The following PHIP variants were observed in gnomAD, a reference collection of about 807,000 sequenced individuals.
PHIP encodes PH-interacting protein.
In PHIP, 54 loss-of-function variants were observed where a neutral mutation model predicts 236.8. The ratio of observed to expected loss-of-function variants is 0.23; its 90% confidence interval spans 0.18 to 0.29. The LOEUF (loss-of-function observed/expected upper bound fraction) is 0.29, where lower values mean the gene tolerates loss of function less well. PHIP is among the 10% of genes least tolerant of loss of function. The pLI is 1.00. For missense variants in PHIP, 1,370 were observed against 2,190.8 expected, an observed-to-expected ratio of 0.63 and a Z score of 7.48; for synonymous variants, 756 against 718.9, an observed-to-expected ratio of 1.05 and a Z score of -0.83.
intron 16 of PHIP, 57 bp from the exon 17 acceptor site, chr6:79,002,181 A>C: frequency 8.2e-7 from 1 of 1,214,568 alleles, no homozygotes. Flanking sequence ...CATTGTAGAA[A>C]AAAAGTCTAC....
chr6:78,941,134 C>A lies in PHIP; in HGVS notation c.5025G>T (p.Glu1675Asp). 6.2e-7 allele frequency: 1 copy of A among 1,613,964 alleles called. No individual in the cohort carries two copies. ...KLQYAKPEDL[E>D]QNNVHPIRDE... ...CTCTGATGGGATGCACATTATTTTG[C>A]TCTAAATCTTCTGGCTTTGCATACT... Residue 1675 changes from glutamate (E) to aspartate (D), a missense_variant, in exon 40 of 40, where the codon GAG (glutamate) becomes GAT (aspartate). Transcript: ENST00000275034.
At position 78,997,538 on chromosome 6, in the gene PHIP, C is replaced by T; in HGVS notation, c.2077G>A (p.Gly693Arg). 6.2e-7 allele frequency: 1 copy of T among 1,613,968 alleles called. No individual in the cohort carries two copies. The stretch of plus-strand genomic sequence containing the variant: ...ATTTGCCGTACACCTTCAATTTGTC[C>T]ACTACGTCTTAGTCCTACGTTTGGT... The part of the protein sequence containing the change: ...SPPNVGLRRS[G>R]QIEGVRQMHS... Residue 693 changes from glycine to arginine, a missense_variant, in exon 19 of 40, where the codon GGA becomes AGA. Coordinates refer to ENST00000275034, the MANE Select transcript of PHIP (RefSeq NM_017934.7).
At chr6:79,046,667 A>C (rs1046174905) in intron 6 of PHIP, among the ~76,000 whole-genome samples, 1 of 152,130 alleles carries the variant, frequency 6.6e-6, no homozygotes, top group Non-Finnish European at 1.5e-5. Context: ...ACTTGAGGTC[A>C]GGAGTTCGAG....
chr6:79,053,084 G>A (rs562963678), intron 6 of PHIP, among the ~76,000 whole-genome samples: 5 of 152,210 alleles, frequency 3.3e-5, no homozygotes, highest in Non-Finnish European at 5.9e-5. Flanking sequence ...TTGGGAGACC[G>A]AGGTGGATCA....
intron 9 of PHIP, among the ~76,000 whole-genome samples, chr6:79,024,595 G>A (rs540318947): frequency 1.7e-4 from 26 of 152,248 alleles, no homozygotes; most frequent in African/African-American, 5.5e-4. Flanking sequence ...ACGAGGTCAG[G>A]AGATGGAGAC....
intron 23 of PHIP, among the ~76,000 whole-genome samples, chr6:78,979,448 T>G (rs552506706): frequency 6.6e-6 from 1 of 152,170 alleles, no homozygotes; most frequent in East Asian, 1.9e-4. Context: ...ATCCTAGTTA[T>G]AGTAAGTTAC....
At chr6:78,994,697 T>C (rs552491918) in intron 19 of PHIP, among the ~76,000 whole-genome samples, 1 of 152,334 alleles carries the variant, frequency 6.6e-6, no homozygotes, top group East Asian at 1.9e-4. Flanking sequence ...GTCAAATCAA[T>C]GTGGCAAGCT....
rs146079414 is a variant in PHIP at position 79,006,396 on chromosome 6, T to C, written c.1525-2538A>G. 5.9e-3 allele frequency among the ~76,000 whole-genome samples: 898 copies of C among 152,150 alleles called. 4 individuals carry two copies. The highest frequency in any genetic ancestry group is 0.02 in the African/African-American group (827 of 41,562). ...ATAGCCTAACTGGTTTTAAAATGTA[T>C]GGTACGATTAAGTAAGCCAATCAAA... On this transcript the variant is annotated intron_variant, in intron 15 of 39. Coordinates refer to ENST00000275034, the MANE Select transcript of PHIP (RefSeq NM_017934.7).
At chr6:78,986,898 T>C (rs1277772684) in intron 21 of PHIP, among the ~76,000 whole-genome samples, 1 of 152,112 alleles carries the variant, frequency 6.6e-6, no homozygotes, top group African/African-American at 2.4e-5. Context: ...AGTGATATGA[T>C]TTTTCCCACA....
In PHIP at chr6:78,972,809, G is replaced by A. The variant is rs753703580; in HGVS notation, c.2890-1921C>T. 7.9e-5 allele frequency among the ~76,000 whole-genome samples: 12 copies of A among 152,252 alleles called. No homozygotes were observed. In the East Asian group the frequency reaches 1.3e-3, roughly 17 times the overall value. On this transcript the variant is annotated intron_variant, in intron 24 of 39. Transcript: ENST00000275034. Reference sequence around the variant, plus strand: ...GAAGATGAAATGAATGAAATGAAGCGAGAAGGGAAGTTTAGAGAAAAAAAC... The same window carrying A: ...GAAGATGAAATGAATGAAATGAAGCAAGAAGGGAAGTTTAGAGAAAAAAAC...
rs374497736 is a variant in PHIP, at chr6:78,972,721, T to C, written c.2890-1833A>G. 6.1e-4 allele frequency among the ~76,000 whole-genome samples: 93 copies of C among 152,010 alleles called. 2 individuals are homozygous for C. In the South Asian group the frequency reaches 7.7e-3, roughly 13 times the overall value. On this transcript the variant is annotated intron_variant, in intron 24 of 39. Coordinates refer to ENST00000275034, the MANE Select transcript of PHIP (RefSeq NM_017934.7). Reference sequence around the variant, plus strand: ...GCTGAAAACCAAGGCTCGAGAACTATGTGAAGAATGCAGAAGCCTCAGGAG... The same window carrying C: ...GCTGAAAACCAAGGCTCGAGAACTACGTGAAGAATGCAGAAGCCTCAGGAG...
intron 39 of PHIP, among the ~76,000 whole-genome samples, chr6:78,942,158 T>C (rs1467400134): frequency 6.6e-6 from 1 of 152,182 alleles, no homozygotes; most frequent in Admixed American, 6.5e-5. Flanking sequence ...GCATTTTTGG[T>C]CACAGGTTGG....
chr6:78,978,795 ATAAT>A (rs1554200063), intron 23 of PHIP, 84 bp from the exon 24 acceptor site: 4 of 1,107,472 alleles, frequency 3.6e-6, no homozygotes, highest in Admixed American at 2.2e-5. Flanking sequence ...AACTATAAAG[ATAAT>A]TAAATAAAAG....
chr6:79,015,224 A>G lies in PHIP; in HGVS notation c.1390-8T>C. ...TACCTCATCTTCATGACCCTGAAAT[A>G]TTTTTGAAGTGTCAAAGAATCATAG... On this transcript the variant is annotated splice_polypyrimidine_tract_variant and splice_region_variant and intron_variant, in intron 14 of 39. Coordinates refer to ENST00000275034, the MANE Select transcript of PHIP (RefSeq NM_017934.7). The G allele has an allele frequency of 6.2e-7, 1 of 1,601,344 alleles. No individual in the cohort carries two copies. The highest frequency in any genetic ancestry group is 8.6e-7 in the Non-Finnish European group (1 of 1,169,396).
At chr6:79,069,967 G>T (rs1277949066) in intron 4 of PHIP, among the ~76,000 whole-genome samples, 2 of 151,686 alleles carry the variant, frequency 1.3e-5, no homozygotes, top group African/African-American at 4.8e-5. Flanking sequence ...TAAAGAAAAT[G>T]CAATACTATA....
intron 12 of PHIP, 131 bp downstream of exon 12, chr6:79,017,215 T>C (rs942470201): frequency 3.5e-6 from 2 of 570,832 alleles, no homozygotes; most frequent in African/African-American, 3.8e-5. Flanking sequence ...TATATTCACT[T>C]TTAAGTATAA....
chr6:79,013,205 A>AC (rs1216778526), intron 15 of PHIP, among the ~76,000 whole-genome samples: 1 of 151,750 alleles, frequency 6.6e-6, no homozygotes, highest in Non-Finnish European at 1.5e-5. Flanking sequence ...TTTTCATGAG[A>AC]CCCAAAGGAG....
chr6:78,951,534 C>T (rs1356780742), intron 35 of PHIP, among the ~76,000 whole-genome samples: 10 of 152,020 alleles, frequency 6.6e-5, no homozygotes, highest in South Asian at 2.1e-4. Flanking sequence ...GTAGATTATC[C>T]GAAGTTTTCT....
At chr6:78,946,590 G>T in intron 37 of PHIP, 121 bp downstream of exon 37, 1 of 1,418,558 alleles carries the variant, frequency 7.0e-7, no homozygotes, top group Non-Finnish European at 9.1e-7. Context: ...ATAGGAACTT[G>T]CATGTCAAAT....
Sources: allele counts gnomAD v4.1 joint callset (sites outside exome capture counted in the v4.1 genomes callset), GRCh38; gene constraint gnomAD v4.1.1; transcripts MANE v1.5; gene names NCBI Gene and HGNC (gene_info 2026-07-23, HGNC 2026-07-21).